The following GNG2 variants were observed in gnomAD, a reference collection of about 807,000 sequenced individuals.
GNG2 encodes the protein guanine nucleotide-binding protein G(I)/G(S)/G(O) subunit gamma-2.
In GNG2, 5 loss-of-function variants were observed where a neutral mutation model predicts 5.5. The observed-to-expected ratio is 0.91, with a 90% CI of 0.48 to 1.92. GNG2 has a LOEUF of 1.92. Ranked by LOEUF, GNG2 falls within the 30% of genes most tolerant of loss-of-function variation. GNG2 has a pLI of 0.01. For synonymous variants in GNG2, 28 were observed against 32.0 expected (o/e 0.88, Z 0.42); for missense variants, 55 against 88.4 (o/e 0.62, Z 1.52).
intron 2 of GNG2, among the ~76,000 whole-genome samples, chr14:51,828,148 G>GGAGCT (rs749895448): frequency 6.6e-6 from 1 of 152,180 alleles, no homozygotes; most frequent in Non-Finnish European, 1.5e-5. Context: ...CATCCCCAGG[G>GGAGCT]GAGCTGAGTC....
At chr14:51,889,444 T>C (rs963318192) in intron 2 of GNG2, among the ~76,000 whole-genome samples, 34 of 152,166 alleles carry the variant, frequency 2.2e-4, no homozygotes, top group Admixed American at 1.8e-3. Context: ...TATTTGATAG[T>C]GGTGATGGGT....
intron 3 of GNG2, among the ~76,000 whole-genome samples, chr14:51,952,605 T>C (rs1889050638): frequency 6.6e-6 from 1 of 152,206 alleles, no homozygotes; most frequent in Non-Finnish European, 1.5e-5. Flanking sequence ...TGGTTGATGT[T>C]TTCTGTTAAT....
rs1326513400 is a variant in GNG2 at position 51,904,553 on chromosome 14, CA to C, written c.-30+26897del. Among the ~76,000 whole-genome samples the C allele has an allele frequency of 8.3e-3, 1,268 of 152,272 alleles. 21 individuals are homozygous for C. Among genetic ancestry groups the C allele is most frequent in the African/African-American group, 0.029 (1,208 of 41,536 alleles). Reference sequence around the variant, plus strand: ...CCACTCCCAGCTAAGGCAGCTGCAGCATGATCTGTGCAGGGGCCTGGGCTTC... The same window carrying C: ...CCACTCCCAGCTAAGGCAGCTGCAGCTGATCTGTGCAGGGGCCTGGGCTTC... On this transcript the variant is annotated intron_variant, in intron 2 of 3. Transcript: ENST00000556766.
intron 2 of GNG2, among the ~76,000 whole-genome samples, chr14:51,890,995 A>G (rs555522213): frequency 6.6e-6 from 1 of 152,314 alleles, no homozygotes; most frequent in East Asian, 1.9e-4. Flanking sequence ...AGAAGTGACA[A>G]GACAATGGAA....
chr14:51,839,603 G>T (rs1881428853), intron 2 of GNG2, among the ~76,000 whole-genome samples: 4 of 152,210 alleles, frequency 2.6e-5, no homozygotes, highest in South Asian at 4.2e-4. Context: ...ATCAATGGTT[G>T]TCAGACGCCA....
At chr14:51,953,380 A>C (rs1889097879) in intron 3 of GNG2, among the ~76,000 whole-genome samples, 1 of 152,232 alleles carries the variant, frequency 6.6e-6, no homozygotes, top group Admixed American at 6.5e-5. Flanking sequence ...AACAAGGCCT[A>C]TTATTGACGC....
At chr14:51,935,700 G>T (rs923639130) in intron 2 of GNG2, among the ~76,000 whole-genome samples, 1 of 151,694 alleles carries the variant, frequency 6.6e-6, no homozygotes, top group Non-Finnish European at 1.5e-5. Context: ...TTTCTTTGAG[G>T]TTTAATTGGC....
chr14:51,943,865 G>A (rs550537490), intron 2 of GNG2, among the ~76,000 whole-genome samples: 1 of 152,194 alleles, frequency 6.6e-6, no homozygotes, highest in South Asian at 2.1e-4. Context: ...GTCAATGCTA[G>A]CCAAAGCAAT....
intron 2 of GNG2, among the ~76,000 whole-genome samples, chr14:51,901,344 G>A (rs1042577815): frequency 6.6e-6 from 1 of 151,796 alleles, no homozygotes; most frequent in East Asian, 1.9e-4. Flanking sequence ...GCACCACCAT[G>A]CCCAGCTAAT....
At chr14:51,948,872 A>C (rs956394526) in intron 2 of GNG2, among the ~76,000 whole-genome samples, 3 of 152,176 alleles carry the variant, frequency 2.0e-5, no homozygotes, top group African/African-American at 7.2e-5. Context: ...CTGTAATCGC[A>C]GCACTTTGGG....
chr14:51,953,802 G>T (rs1889120013), intron 3 of GNG2, among the ~76,000 whole-genome samples: 1 of 152,148 alleles, frequency 6.6e-6, no homozygotes, highest in Non-Finnish European at 1.5e-5. Context: ...GAGCATTCAG[G>T]CTTCCCCACC....
intron 2 of GNG2, among the ~76,000 whole-genome samples, chr14:51,926,911 G>A (rs906602361): frequency 6.6e-6 from 1 of 152,158 alleles, no homozygotes; most frequent in South Asian, 2.1e-4. Flanking sequence ...GTCTTTCCTC[G>A]CCATTAGCAG....
intron 2 of GNG2, among the ~76,000 whole-genome samples, chr14:51,887,996 T>C (rs1884583128): frequency 6.6e-6 from 1 of 152,220 alleles, no homozygotes; most frequent in Admixed American, 6.5e-5. Context: ...TTAGCAGCTT[T>C]ATTTAGGTAT....
intron 2 of GNG2, among the ~76,000 whole-genome samples, chr14:51,935,720 T>C (rs1310825971): frequency 6.6e-6 from 1 of 151,524 alleles, no homozygotes; most frequent in Non-Finnish European, 1.5e-5. Context: ...CTCACAGTTC[T>C]GCAGGCCGTT....
chr14:51,910,062 G>A (rs1227316820), intron 2 of GNG2, among the ~76,000 whole-genome samples: 2 of 152,218 alleles, frequency 1.3e-5, no homozygotes, highest in African/African-American at 4.8e-5. Context: ...TAAGCCCTAT[G>A]TATGTAATTG....
chr14:51,847,173 G>A (rs1456040336), intron 2 of GNG2: 3 of 152,298 alleles, frequency 2.0e-5, no homozygotes, highest in Non-Finnish European at 2.9e-5. Context: ...GGCATCCCCA[G>A]GCAGGCTGCA....
At chr14:51,932,058 A>G (rs1403344374) in intron 2 of GNG2, among the ~76,000 whole-genome samples, 1 of 151,994 alleles carries the variant, frequency 6.6e-6, no homozygotes, top group Admixed American at 6.6e-5. Context: ...CATCCTGGCT[A>G]ACATGGTGAA....
At chr14:51,914,688 G>A (rs1886506115) in intron 2 of GNG2, among the ~76,000 whole-genome samples, 1 of 152,220 alleles carries the variant, frequency 6.6e-6, no homozygotes, top group African/African-American at 2.4e-5. Context: ...GTAACAAAGA[G>A]AGGTCTTTGC....
chr14:51,870,802 T>C (rs1883245632), intron 1 of GNG2, among the ~76,000 whole-genome samples: 1 of 152,256 alleles, frequency 6.6e-6, no homozygotes. Context: ...TCAGAGGCTA[T>C]GCACATGAGG....
Sources: gnomAD v4.1 joint callset for allele counts (sites outside exome capture counted in the v4.1 genomes callset) on GRCh38, gnomAD v4.1.1 for gene constraint, MANE v1.5 for transcripts, NCBI Gene and HGNC (gene_info 2026-07-23, HGNC 2026-07-21) for gene names.